CASK: variants seen among roughly 807,000 people sequenced by gnomAD.
CASK encodes peripheral plasma membrane protein CASK.
A neutral mutation model predicts 82.9 loss-of-function variants in CASK; 4 were observed. The observed-to-expected ratio is 0.05, with a 90% CI of 0.02 to 0.11. The LOEUF (loss-of-function observed/expected upper bound fraction) is 0.11. CASK is among the 10% of genes least tolerant of loss of function. The pLI, the probability that CASK is intolerant of heterozygous loss-of-function variation, is 1.00. For missense variants in CASK, 358 were observed against 720.9 expected, an observed-to-expected ratio of 0.50 and a Z score of 5.76; for synonymous variants, 259 against 253.5, an observed-to-expected ratio of 1.02 and a Z score of -0.20.
chrX:41,583,207 T>A (rs1431925327), intron 14 of CASK, among the ~76,000 whole-genome samples: 1 of 112,147 alleles, frequency 8.9e-6, no homozygotes, highest in East Asian at 2.8e-4. Flanking sequence ...TCTCTCTGAC[T>A]TCAGAAAAGC....
intron 3 of CASK, among the ~76,000 whole-genome samples, chrX:41,757,288 A>G (rs2068916188): frequency 9.0e-6 from 1 of 111,059 alleles, no homozygotes; most frequent in Non-Finnish European, 1.9e-5. Flanking sequence ...TCCCATAACT[A>G]CCATCTTTTC....
At chrX:41,680,800 A>G (rs1020246461) in intron 5 of CASK, among the ~76,000 whole-genome samples, 6 of 110,380 alleles carry the variant, frequency 5.4e-5, no homozygotes, top group Non-Finnish European at 1.1e-4. Context: ...CTGTAATCCC[A>G]GCTACTTGGG....
At chrX:41,893,154 G>A (rs1237982669) in intron 1 of CASK, among the ~76,000 whole-genome samples, 1 of 111,903 alleles carries the variant, frequency 8.9e-6, no homozygotes, top group Non-Finnish European at 1.9e-5. Context: ...CTGGAATGGC[G>A]GAGTGAGGAC....
At chrX:41,753,295 A>G (rs1003620173) in intron 3 of CASK, among the ~76,000 whole-genome samples, 14 of 110,781 alleles carry the variant, frequency 1.3e-4, no homozygotes, top group African/African-American at 2.0e-4. Flanking sequence ...TGTCATAGGA[A>G]ATCAGTTCTG....
intron 5 of CASK, among the ~76,000 whole-genome samples, chrX:41,733,773 A>T (rs765253416): frequency 9.0e-6 from 1 of 111,055 alleles, no homozygotes; most frequent in East Asian, 2.8e-4. Context: ...AATAAATAAA[A>T]TAAATAAAGA....
At chrX:41,699,764 T>C (rs1298081407) in intron 5 of CASK, among the ~76,000 whole-genome samples, 3 of 111,526 alleles carry the variant, frequency 2.7e-5, no homozygotes, top group Non-Finnish European at 3.8e-5. Flanking sequence ...TGTCTATTTA[T>C]AACAGATTGC....
chrX:41,792,596 A>T lies in CASK; in HGVS notation c.173-5313T>A, dbSNP rs2069753410. ...TGAGCCACTGCACCTAGCTCAATAA[A>T]GATTTTGATCAACACCATCCAATTT... On this transcript the variant is annotated intron_variant, in intron 2 of 26. Coordinates refer to ENST00000378163, the MANE Select transcript of CASK (RefSeq NM_001367721.1). Among the ~76,000 whole-genome samples the T allele has an allele frequency of 3.6e-5, 4 of 111,321 alleles. No individual in the cohort carries two copies. The South Asian group carries it at 1.5e-3, about 43-fold the overall frequency.
chrX:41,571,433 G>C (rs1044751579), intron 15 of CASK, among the ~76,000 whole-genome samples: 3 of 111,067 alleles, frequency 2.7e-5, no homozygotes, highest in Non-Finnish European at 3.8e-5. Flanking sequence ...CTAAGTTGTT[G>C]AATTTATTGG....
intron 2 of CASK, among the ~76,000 whole-genome samples, chrX:41,817,629 G>C (rs917149957): frequency 9.0e-6 from 1 of 111,153 alleles, no homozygotes; most frequent in African/African-American, 3.3e-5. Context: ...AAAAGTTTCA[G>C]GTTTTGGAGC....
Position 41,516,941 on chromosome X carries a change from C to T in CASK, c.*3479G>A, listed in dbSNP as rs185335561. ...TGCCTTGTTTTTCAGGGGCAGTTTC[C>T]ACGCTGGGAATCTTCCTGGAGGGTG... On this transcript the variant is annotated 3_prime_UTR_variant, in exon 27 of 27. Coordinates refer to ENST00000378163, the MANE Select transcript of CASK (RefSeq NM_001367721.1). 9.0e-6 allele frequency: 1 copy of T among 111,547 alleles called. No homozygotes were observed. Among genetic ancestry groups the T allele is most frequent in the Non-Finnish European group, 1.9e-5 (1 of 53,088 alleles). 9.2% of individuals were successfully genotyped at this position (111,547 alleles called of 1,213,427 possible).
rs191096603 is a variant in CASK, at chrX:41,561,666, T to C, written c.1583-22A>G. On this transcript the variant is annotated intron_variant, in intron 16 of 26. Coordinates refer to ENST00000378163, the MANE Select transcript of CASK (RefSeq NM_001367721.1). ...GTACCTAAGAAATTATATAACATTA[T>C]AAACATGAAATGATATATGCTTTCA... The C allele has an allele frequency of 2.9e-6, 3 of 1,044,979 alleles. No individual in the cohort carries two copies. In the Admixed American group the frequency reaches 6.7e-5, roughly 23 times the overall value. The allele number at this position is 1,044,979 out of a possible 1,213,427, so 86.1% of individuals were successfully genotyped here.
intron 22 of CASK, among the ~76,000 whole-genome samples, chrX:41,538,739 A>G (rs1038970047): frequency 3.6e-5 from 4 of 112,286 alleles, no homozygotes; most frequent in African/African-American, 1.3e-4. Flanking sequence ...TAAAAAAGCC[A>G]TTAACATTGA....
At chrX:41,577,126 G>A (rs2065495509) in intron 15 of CASK, among the ~76,000 whole-genome samples, 1 of 111,723 alleles carries the variant, frequency 9.0e-6, no homozygotes, top group African/African-American at 3.3e-5. Flanking sequence ...CTAAAGATAT[G>A]GTTTCTCCTC....
At chrX:41,872,864 T>C (rs1039885749) in intron 1 of CASK, among the ~76,000 whole-genome samples, 2 of 110,888 alleles carry the variant, frequency 1.8e-5, no homozygotes, top group Non-Finnish European at 3.8e-5. Context: ...TTTGATGACC[T>C]TGACAGTTCA....
At chrX:41,830,843 A>T (rs973112443) in intron 2 of CASK, among the ~76,000 whole-genome samples, 1 of 108,256 alleles carries the variant, frequency 9.2e-6, no homozygotes, top group African/African-American at 3.4e-5. Context: ...AAAACAAAAG[A>T]AGTGATAGAT....
At chrX:41,548,660 T>C (rs1033764559) in intron 21 of CASK, among the ~76,000 whole-genome samples, 13 of 111,701 alleles carry the variant, frequency 1.2e-4, no homozygotes. Flanking sequence ...GGGATTCTTT[T>C]GGTGCAAGTC....
At chrX:41,549,700 C>T (rs1342753234) in intron 21 of CASK, among the ~76,000 whole-genome samples, 2 of 108,668 alleles carry the variant, frequency 1.8e-5, no homozygotes, top group Admixed American at 1.0e-4. Flanking sequence ...ATTAGTTGGG[C>T]GTGGTGGCGG....
chrX:41,515,140 GGT>G lies in CASK; in HGVS notation c.*5278_*5279del, dbSNP rs1190126290. On this transcript the variant is annotated 3_prime_UTR_variant, in exon 27 of 27. Coordinates refer to ENST00000378163, the MANE Select transcript of CASK (RefSeq NM_001367721.1). ...TGTGCCGGCAGCGCACCAGCATTCTGGTTGTTCCGGCGACAGGGCAAAGGGAT... is the reference window on the plus strand; with the variant it reads ...TGTGCCGGCAGCGCACCAGCATTCTGTGTTCCGGCGACAGGGCAAAGGGAT... The G allele has an allele frequency of 8.9e-6, 1 of 112,345 alleles. No homozygotes were observed. Among genetic ancestry groups the G allele is most frequent in the African/African-American group, 3.2e-5 (1 of 30,921 alleles). 9.3% of individuals were successfully genotyped at this position (112,345 alleles called of 1,213,427 possible).
intron 15 of CASK, among the ~76,000 whole-genome samples, chrX:41,571,797 T>C (rs2065416210): frequency 1.8e-5 from 2 of 111,937 alleles, no homozygotes; most frequent in Non-Finnish European, 3.8e-5. Context: ...ATGGTACATA[T>C]TTCTCCCTAA....
Sources: gnomAD v4.1 joint callset for allele counts (sites outside exome capture counted in the v4.1 genomes callset) on GRCh38, gnomAD v4.1.1 for gene constraint, MANE v1.5 for transcripts, NCBI Gene and HGNC (gene_info 2026-07-23, HGNC 2026-07-21) for gene names.